Variants in ELP4 observed in about 807,000 individuals in gnomAD.
ELP4 encodes elongator acetyltransferase complex subunit 4.
A neutral mutation model predicts 48.9 loss-of-function variants in ELP4; 51 were observed. The observed-to-expected ratio is 1.04, with a 90% CI of 0.83 to 1.32. ELP4 has a LOEUF of 1.32. Among genes scored for constraint, ELP4 ranks in the 40% most tolerant of loss-of-function variants. ELP4 has a pLI of 0.00. For synonymous variants in ELP4, 210 were observed against 189.2 expected (o/e 1.11, Z -0.90); for missense variants, 519 against 514.6 (o/e 1.01, Z -0.08).
chr11:31,702,348 C>G (rs11031455), intron 9 of ELP4, among the ~76,000 whole-genome samples: 1 of 132,820 alleles, frequency 7.5e-6, no homozygotes, highest in African/African-American at 2.8e-5. Context: ...ATAATAATAA[C>G]AATAATAATT....
intron 2 of ELP4, among the ~76,000 whole-genome samples, chr11:31,533,416 C>G (rs1956437750): frequency 9.4e-6 from 1 of 106,422 alleles, no homozygotes; most frequent in African/African-American, 3.7e-5. Context: ...CTCGCTCTTT[C>G]GCCCAGGCCA....
At chr11:31,658,473 A>C (rs1012080219) in intron 9 of ELP4, among the ~76,000 whole-genome samples, 1 of 151,710 alleles carries the variant, frequency 6.6e-6, no homozygotes, top group Admixed American at 6.6e-5. Context: ...AATTTGCAAA[A>C]AAAAAGCTAT....
intron 7 of ELP4, among the ~76,000 whole-genome samples, chr11:31,638,079 T>TATACC (rs1249650546): frequency 6.6e-6 from 1 of 151,906 alleles, no homozygotes; most frequent in African/African-American, 2.4e-5. Context: ...AAAGTTGTCT[T>TATACC]ATACCATTCT....
intron 9 of ELP4, among the ~76,000 whole-genome samples, chr11:31,670,288 T>G (rs1398830611): frequency 6.6e-6 from 1 of 152,034 alleles, no homozygotes; most frequent in Non-Finnish European, 1.5e-5. Context: ...TGAGGGGAGG[T>G]GCCAAGTTGA....
intron 8 of ELP4, chr11:31,648,491 G>T (rs1945252770): frequency 6.6e-6 from 1 of 150,812 alleles, no homozygotes; most frequent in Admixed American, 6.6e-5. Flanking sequence ...GTCTTATGTA[G>T]AACTATATGA....
At chr11:31,769,281 G>A (rs1228040297) in intron 9 of ELP4, among the ~76,000 whole-genome samples, 2 of 152,030 alleles carry the variant, frequency 1.3e-5, no homozygotes, top group Non-Finnish European at 2.9e-5. Context: ...ACACTGTGGG[G>A]CATTATGCAA....
At chr11:31,592,454 AT>A (rs1957597008) in intron 3 of ELP4, among the ~76,000 whole-genome samples, 1 of 151,400 alleles carries the variant, frequency 6.6e-6, no homozygotes, top group African/African-American at 2.4e-5. Context: ...AGGTGGGAGG[AT>A]CACTTGAGCC....
intron 9 of ELP4, among the ~76,000 whole-genome samples, chr11:31,744,960 G>C (rs1367304371): frequency 6.6e-6 from 1 of 152,062 alleles, no homozygotes; most frequent in African/African-American, 2.4e-5. Flanking sequence ...GTCCCTGTTT[G>C]CAGATGACAT....
intron 9 of ELP4, among the ~76,000 whole-genome samples, chr11:31,765,614 A>G (rs1405527328): frequency 1.3e-5 from 2 of 152,172 alleles, no homozygotes; most frequent in Non-Finnish European, 2.9e-5. Context: ...TTGTAAAATT[A>G]CAACGAAAGA....
At chr11:31,747,098 A>C (rs1208687205) in intron 9 of ELP4, among the ~76,000 whole-genome samples, 2 of 152,052 alleles carry the variant, frequency 1.3e-5, no homozygotes, top group Non-Finnish European at 2.9e-5. Context: ...CTAATTTGAA[A>C]AATGAGTGTA....
At chr11:31,606,061 A>G (rs540317661) in intron 5 of ELP4, among the ~76,000 whole-genome samples, 1 of 152,262 alleles carries the variant, frequency 6.6e-6, no homozygotes, top group South Asian at 2.1e-4. Context: ...TTTAAAATAC[A>G]TATTTTCTGA....
chr11:31,597,276 C>T (rs546684732), intron 4 of ELP4, among the ~76,000 whole-genome samples: 2 of 152,140 alleles, frequency 1.3e-5, no homozygotes, highest in African/African-American at 4.8e-5. Flanking sequence ...TATGGTATGT[C>T]TGAACAGTAA....
rs545909993 is a variant in ELP4, at chr11:31,735,626, G to C, written c.1144-47767G>C. 9.2e-5 allele frequency among the ~76,000 whole-genome samples: 14 copies of C among 152,230 alleles called. No individual in the cohort carries two copies. The East Asian group carries it at 2.7e-3, about 29-fold the overall frequency. ...TAAGCTGATAAGCAACTTCAGCAAA[G>C]TCTCAGGATACAAAATCAATGTACA... On this transcript the variant is annotated intron_variant, in intron 9 of 9. Transcript: ENST00000640961.
At position 31,704,298 on chromosome 11, in the gene ELP4, T is replaced by C. The variant is rs1946584930; in HGVS notation, c.1143+54077T>C. Among the ~76,000 whole-genome samples the C allele has an allele frequency of 2.0e-5, 3 of 152,210 alleles. No individual in the cohort carries two copies. In the South Asian group the frequency reaches 6.2e-4, roughly 32 times the overall value. Reference sequence around the variant, plus strand: ...AACTCCTATCTTTATTTCTTAAAACTATGCAGCCATAAAAAAGGATGAGTT... The same window carrying C: ...AACTCCTATCTTTATTTCTTAAAACCATGCAGCCATAAAAAAGGATGAGTT... On this transcript the variant is annotated intron_variant, in intron 9 of 9. Coordinates refer to ENST00000640961, the MANE Select transcript of ELP4 (RefSeq NM_019040.5).
intron 3 of ELP4, among the ~76,000 whole-genome samples, chr11:31,546,051 C>T (rs1007775665): frequency 8.6e-5 from 13 of 151,968 alleles, no homozygotes; most frequent in East Asian, 1.9e-4. Flanking sequence ...TAAAGACCAT[C>T]GAGACTAGGA....
chr11:31,594,752 G>T lies in ELP4; in HGVS notation c.382-18G>T. ...TTTTACCACAGAATCTCAATTATGT[G>T]TCATTTTGTTTTCTTAGGAACTTCC... On this transcript the variant is annotated intron_variant, in intron 3 of 9. Coordinates refer to ENST00000640961, the MANE Select transcript of ELP4 (RefSeq NM_019040.5). The T allele has an allele frequency of 6.8e-7, 1 of 1,471,376 alleles. No individual in the cohort carries two copies. The highest frequency in any genetic ancestry group is 9.0e-7 in the Non-Finnish European group (1 of 1,114,206). 91.1% of individuals were successfully genotyped at this position (1,471,376 alleles called of 1,614,324 possible).
intron 3 of ELP4, among the ~76,000 whole-genome samples, chr11:31,549,913 A>G (rs1008873650): frequency 4.6e-5 from 7 of 151,914 alleles, no homozygotes; most frequent in African/African-American, 1.5e-4. Context: ...ACACTTTATC[A>G]CTCATAGGTG....
intron 3 of ELP4, among the ~76,000 whole-genome samples, chr11:31,567,236 A>G (rs1487013056): frequency 6.6e-6 from 1 of 152,156 alleles, no homozygotes; most frequent in Non-Finnish European, 1.5e-5. Flanking sequence ...CCCGGCCTGT[A>G]GTACTTCTTA....
intron 2 of ELP4, among the ~76,000 whole-genome samples, chr11:31,527,702 G>T (rs1016405335): frequency 8.5e-5 from 13 of 152,136 alleles, no homozygotes; most frequent in Non-Finnish European, 1.8e-4. Flanking sequence ...TGGCATAACA[G>T]GTATTTCCCT....
Sources: gnomAD v4.1 joint callset for allele counts (sites outside exome capture counted in the v4.1 genomes callset) on GRCh38, gnomAD v4.1.1 for gene constraint, MANE v1.5 for transcripts, NCBI Gene and HGNC (gene_info 2026-07-23, HGNC 2026-07-21) for gene names.